DPYSL3: variants seen among roughly 807,000 people sequenced by gnomAD.
DPYSL3 encodes dihydropyrimidinase like 3, also known as dihydropyrimidinase-related protein 3.
A neutral mutation model predicts 66.1 loss-of-function variants in DPYSL3; 16 were observed. The ratio of observed to expected loss-of-function variants is 0.24; its 90% CI spans 0.16 to 0.37. The LOEUF (loss-of-function observed/expected upper bound fraction) is 0.37, where lower values mean the gene tolerates loss of function less well. Among genes scored for constraint, DPYSL3 ranks in the 10% least tolerant of loss-of-function variants. The pLI is 1.00. For missense variants in DPYSL3, 738 were observed against 916.2 expected (o/e 0.81, Z 2.51); for synonymous variants, 338 against 345.1 (o/e 0.98, Z 0.23).
intron 12 of DPYSL3, among the ~76,000 whole-genome samples, chr5:147,397,371 T>C (rs1484278720): frequency 6.6e-6 from 1 of 152,128 alleles, no homozygotes; most frequent in Non-Finnish European, 1.5e-5. Context: ...CATTTATTTT[T>C]TAAAAAAATA....
chr5:147,489,259 T>G (rs572554795), intron 1 of DPYSL3, among the ~76,000 whole-genome samples: 43 of 152,274 alleles, frequency 2.8e-4, no homozygotes, highest in African/African-American at 1.0e-3. Context: ...AGAAATTTCC[T>G]CTGTTAGACA....
intron 1 of DPYSL3, among the ~76,000 whole-genome samples, chr5:147,491,818 G>A (rs1581217006): frequency 6.6e-6 from 1 of 151,750 alleles, no homozygotes; most frequent in Non-Finnish European, 1.5e-5. Context: ...TACCAAAGGT[G>A]TAAAATGAAT....
chr5:147,438,933 G>A (rs973537102), intron 1 of DPYSL3, among the ~76,000 whole-genome samples: 24 of 152,138 alleles, frequency 1.6e-4, no homozygotes, highest in African/African-American at 5.6e-4. Context: ...TTCATTCAGG[G>A]GTAGACTGAG....
At chr5:147,397,613 C>G in intron 12 of DPYSL3, 53 bp downstream of exon 12, 2 of 1,562,192 alleles carry the variant, frequency 1.3e-6, no homozygotes, top group Non-Finnish European at 1.7e-6. Context: ...TATCTCTGAG[C>G]GTGAGTGGAA....
chr5:147,395,239 T>TA (rs1419866314), intron 13 of DPYSL3, among the ~76,000 whole-genome samples: 8 of 152,252 alleles, frequency 5.3e-5, no homozygotes, highest in African/African-American at 1.9e-4. Flanking sequence ...GCTCATAGGC[T>TA]AATGCTGGAA....
At chr5:147,401,324 A>G (rs1051866502) in intron 9 of DPYSL3, among the ~76,000 whole-genome samples, 1 of 152,174 alleles carries the variant, frequency 6.6e-6, no homozygotes, top group East Asian at 1.9e-4. Context: ...TTTAACTACT[A>G]TTACCATTAT....
intron 1 of DPYSL3, among the ~76,000 whole-genome samples, chr5:147,429,953 G>A (rs1376713946): frequency 2.0e-5 from 3 of 152,138 alleles, no homozygotes; most frequent in Non-Finnish European, 1.5e-5. Flanking sequence ...GTTTATAAAG[G>A]GATCTACTTT....
At chr5:147,413,781 A>G (rs1751904651) in intron 4 of DPYSL3, 124 bp from the exon 5 acceptor site, 1 of 740,364 alleles carries the variant, frequency 1.4e-6, no homozygotes, top group African/African-American at 1.8e-5. Context: ...CCTGTCCAAC[A>G]TAAAGCAGAT....
chr5:147,398,817 G>A (rs906632601), intron 11 of DPYSL3, among the ~76,000 whole-genome samples: 1 of 152,166 alleles, frequency 6.6e-6, no homozygotes, highest in African/African-American at 2.4e-5. Flanking sequence ...ATGTTCCCCT[G>A]TCTCAGCAAT....
At chr5:147,440,266 A>G (rs1225562061) in intron 1 of DPYSL3, among the ~76,000 whole-genome samples, 8 of 152,166 alleles carry the variant, frequency 5.3e-5, no homozygotes, top group African/African-American at 1.4e-4. Context: ...TCACGCCACT[A>G]CACTCCAGCC....
chr5:147,485,073 C>T (rs1236683181), intron 1 of DPYSL3, among the ~76,000 whole-genome samples: 1 of 152,132 alleles, frequency 6.6e-6, no homozygotes, highest in East Asian at 1.9e-4. Flanking sequence ...GGCAAGATCT[C>T]TTTTTTGTAA....
chr5:147,458,131 C>T (rs911012014), intron 1 of DPYSL3, among the ~76,000 whole-genome samples: 5 of 152,078 alleles, frequency 3.3e-5, no homozygotes, highest in South Asian at 2.1e-4. Context: ...AAAATGAGGC[C>T]GAGACCTGAG....
chr5:147,501,478 A>ATTTTTTTT (rs749216433), intron 1 of DPYSL3, among the ~76,000 whole-genome samples: 1 of 91,082 alleles, frequency 1.1e-5, no homozygotes, highest in South Asian at 4.0e-4. Flanking sequence ...GGTGATAATG[A>ATTTTTTTT]TTTTTTTTTT....
At chr5:147,492,982 G>T (rs747698421) in intron 1 of DPYSL3, among the ~76,000 whole-genome samples, 15 of 152,078 alleles carry the variant, frequency 9.9e-5, no homozygotes, top group Non-Finnish European at 1.6e-4. Context: ...GATATTAAAA[G>T]AAAAGGAATG....
At chr5:147,500,648 A>C (rs1284523865) in intron 1 of DPYSL3, among the ~76,000 whole-genome samples, 3 of 152,070 alleles carry the variant, frequency 2.0e-5, no homozygotes, top group Non-Finnish European at 4.4e-5. Flanking sequence ...AAAACAAATA[A>C]ATGACTCAAT....
At chr5:147,427,346 T>A (rs1422581081) in intron 1 of DPYSL3, among the ~76,000 whole-genome samples, 1 of 152,242 alleles carries the variant, frequency 6.6e-6, no homozygotes, top group Non-Finnish European at 1.5e-5. Context: ...TTTTGATATT[T>A]CTACCTTAGT....
intron 7 of DPYSL3, among the ~76,000 whole-genome samples, chr5:147,408,225 G>C (rs1427603030): frequency 6.6e-6 from 1 of 152,146 alleles, no homozygotes; most frequent in Admixed American, 6.5e-5. Context: ...CGGAGACATG[G>C]AACCAGCCTC....
At chr5:147,394,848 T>C (rs1210026774) in intron 13 of DPYSL3, among the ~76,000 whole-genome samples, 5 of 152,200 alleles carry the variant, frequency 3.3e-5, no homozygotes, top group African/African-American at 1.2e-4. Flanking sequence ...CCATACCCTT[T>C]CCTCATATGC....
chr5:147,393,669 C>A lies in DPYSL3; in HGVS notation c.*366G>T, dbSNP rs980813562. The A allele has an allele frequency of 5.6e-5, 12 of 214,180 alleles. No individual in the cohort carries two copies. The highest frequency in any genetic ancestry group is 7.7e-5 in the Non-Finnish European group (8 of 104,256). 13.3% of individuals were successfully genotyped at this position (214,180 alleles called of 1,614,324 possible). On this transcript the variant is annotated 3_prime_UTR_variant, in exon 14 of 14. Transcript: ENST00000343218. Reference sequence around the variant, plus strand: ...CCACCCACTCACCCCAAATAACCTGCGTCCCTTTTGTTCATTTCCCTGACG... The same window carrying A: ...CCACCCACTCACCCCAAATAACCTGAGTCCCTTTTGTTCATTTCCCTGACG...
Sources: gnomAD v4.1 joint callset for allele counts (sites outside exome capture counted in the v4.1 genomes callset) on GRCh38, gnomAD v4.1.1 for gene constraint, MANE v1.5 for transcripts, NCBI Gene and HGNC (gene_info 2026-07-23, HGNC 2026-07-21) for gene names.